VPS4A: variants seen among roughly 807,000 people sequenced by gnomAD.
VPS4A encodes the protein vacuolar protein sorting-associated protein 4A.
Under a neutral mutation model 52.3 loss-of-function variants are expected in VPS4A, and 20 were observed. The observed-to-expected ratio is 0.38, with a 90% confidence interval of 0.27 to 0.56. The LOEUF (loss-of-function observed/expected upper bound fraction) is 0.56, where lower values mean the gene tolerates loss of function less well. VPS4A is among the 20% of genes least tolerant of loss of function. The pLI is 0.72. For missense variants in VPS4A, 419 were observed against 575.9 expected, an observed-to-expected ratio of 0.73 and a Z score of 2.79; for synonymous variants, 293 against 227.7, an observed-to-expected ratio of 1.29 and a Z score of -2.58.
rs1965503156 is a variant in VPS4A, at chr16:69,321,023, A to G, written c.852-28A>G. ...GAATACCATTCCATCATCCGCTGTC[A>G]ACTCCTGCCGTGTGCTGGGCTCTCT... On this transcript the variant is annotated intron_variant, in intron 8 of 10. Coordinates refer to ENST00000254950, the MANE Select transcript of VPS4A (RefSeq NM_013245.3). The surrounding 1 kb of genome is among the most constrained non-coding windows in gnomAD (Gnocchi z 4.5). 1 of 1,551,488 alleles carries G rather than the reference A, an allele frequency of 6.4e-7. No homozygotes were observed. The highest frequency in any genetic ancestry group is 1.4e-5 in the African/African-American group (1 of 73,154).
chr16:69,321,194 C>T lies in VPS4A; in HGVS notation c.995C>T (p.Ala332Val). 2.5e-6 allele frequency: 4 copies of T among 1,571,222 alleles called. No homozygotes were observed. The highest frequency in any genetic ancestry group is 3.5e-6 in the Non-Finnish European group (4 of 1,158,878). The change falls in exon 9 of 11, where the codon GCG becomes GTG. Residue 332 changes from alanine to valine, a missense_variant. By Grantham distance (64) the Ala-to-Val change is moderately conservative. Around this residue, in one of 3 missense-constraint regions of VPS4A, gnomAD observed 185 missense variants for 200.2 expected, o/e 0.92. Transcript: ENST00000254950. This position sits in a 1 kb window ranked among gnomAD's most constrained non-coding sequence, Gnocchi z 4.5. The part of the protein sequence containing the change: ...LARKTEGYSG[A>V]DISIIVRDSL... The stretch of plus-strand genomic sequence containing the variant: ...CGGAAGACGGAAGGCTACTCGGGCG[C>T]GGACATCAGCATCATCGTGCGGGAC...
In VPS4A at chr16:69,322,916, A is replaced by AAATT. The variant is rs545356243; in HGVS notation, c.1212+218_1212+221dup. ...AACCCTGTCTCTACTAAAAATACAAAAATTAGCCGGGTGTGGTGGTGTGCA... is the reference window on the plus strand; with the variant it reads ...AACCCTGTCTCTACTAAAAATACAAAAATTAATTAGCCGGGTGTGGTGGTGTGCA... On this transcript the variant is annotated intron_variant, in intron 10 of 10. Transcript: ENST00000254950. 3.1e-4 allele frequency: 115 copies of AAATT among 371,570 alleles called. 1 individual carries two copies. The highest frequency in any genetic ancestry group is 2.4e-3 in the African/African-American group (112 of 47,582). The allele number at this position is 371,570 out of a possible 1,614,324, so 23.0% of individuals were successfully genotyped here.
In VPS4A at chr16:69,324,351, T is replaced by TG; in HGVS notation, c.*46dup. 6.3e-7 allele frequency: 1 copy of TG among 1,595,618 alleles called. No homozygotes were observed. Among genetic ancestry groups the TG allele is most frequent in the Non-Finnish European group, 8.6e-7 (1 of 1,168,016 alleles). On this transcript the variant is annotated 3_prime_UTR_variant, in exon 11 of 11. Coordinates refer to ENST00000254950, the MANE Select transcript of VPS4A (RefSeq NM_013245.3). Reference sequence around the variant, plus strand: ...GCAATGGTGAAGGTGGGAGGTTGATTGGGGCAAATCCAGGCACTCCCCATG... The same window carrying TG: ...GCAATGGTGAAGGTGGGAGGTTGATTGGGGGCAAATCCAGGCACTCCCCATG...
intron 1 of VPS4A, 35 bp downstream of exon 1, chr16:69,311,567 G>T (rs757173669): frequency 2.3e-6 from 3 of 1,284,808 alleles, no homozygotes; most frequent in Non-Finnish European, 3.0e-6. Flanking sequence ...TTCGGAGGCC[G>T]AAGGCAGCGG....
Position 69,320,443 on chromosome 16 carries a change from A to C in VPS4A, c.769+154A>C. ...AGGGCACGGGTGGACTTCAATTCCCAAGAGGTGCCTGAGGCCTCTGCCTCA... is the reference window on the plus strand; with the variant it reads ...AGGGCACGGGTGGACTTCAATTCCCCAGAGGTGCCTGAGGCCTCTGCCTCA... On this transcript the variant is annotated intron_variant, in intron 7 of 10. Transcript: ENST00000254950. The surrounding 1 kb of genome is among the most constrained non-coding windows in gnomAD (Gnocchi z 4.2). 8.7e-7 allele frequency: 1 copy of C among 1,148,620 alleles called. No homozygotes were observed. Among genetic ancestry groups the C allele is most frequent in the Non-Finnish European group, 1.2e-6 (1 of 824,576 alleles). 71.2% of individuals were successfully genotyped at this position (1,148,620 alleles called of 1,614,324 possible). A position where few individuals can be genotyped will look rare whatever the true frequency, so the allele number is the denominator to read the frequency against.
rs966464353 is a variant in VPS4A, at chr16:69,321,327, T to G, written c.1071+57T>G. 3.9e-5 allele frequency: 56 copies of G among 1,452,120 alleles called. No homozygotes were observed. The Middle Eastern group carries it at 9.1e-4, about 24-fold the overall frequency. 90.0% of individuals were successfully genotyped at this position (1,452,120 alleles called of 1,614,324 possible). ...CTCATAGTAAGAGCGGGATGTTCGG[T>G]TTTTTTTTTCCCAGCTCCTGGTCCT... On this transcript the variant is annotated intron_variant, in intron 9 of 10. Transcript: ENST00000254950. This position sits in a 1 kb window ranked among gnomAD's most constrained non-coding sequence, Gnocchi z 4.5.
In VPS4A at chr16:69,318,751, G is replaced by C. The variant is rs200848259; in HGVS notation, c.343+40G>C. On this transcript the variant is annotated intron_variant, in intron 4 of 10. Coordinates refer to ENST00000254950, the MANE Select transcript of VPS4A (RefSeq NM_013245.3). ...GCCCTGTGGCAGCGGCAGGGGATGAGAGTGGGTCCGCTGCTGGGTTGGCTC... is the reference window on the plus strand; with the variant it reads ...GCCCTGTGGCAGCGGCAGGGGATGACAGTGGGTCCGCTGCTGGGTTGGCTC... The C allele has an allele frequency of 6.8e-6, 11 of 1,613,292 alleles. No individual in the cohort carries two copies. In the Admixed American group the frequency reaches 1.0e-4, roughly 15 times the overall value.
chr16:69,323,943 C>CAAAAAAAAAAAAA lies in VPS4A; in HGVS notation c.1213-265_1213-264insAAAAAAAAAAAAA, dbSNP rs143292768. On this transcript the variant is annotated intron_variant, in intron 10 of 10. Coordinates refer to ENST00000254950, the MANE Select transcript of VPS4A (RefSeq NM_013245.3). ...CCAGCCTGGGTGACAGACTCCGTCTCCAAAAAAAAAAAAAAAAAAAAAGAA... is the reference window on the plus strand; with the variant it reads ...CCAGCCTGGGTGACAGACTCCGTCTCAAAAAAAAAAAAACAAAAAAAAAAAAAAAAAAAAAGAA... Among the ~76,000 whole-genome samples the CAAAAAAAAAAAAA allele has an allele frequency of 1.5e-4, 16 of 108,648 alleles. 1 individual carries two copies. Among genetic ancestry groups the CAAAAAAAAAAAAA allele is most frequent in the Admixed American group, 4.7e-4 (5 of 10,660 alleles). The allele number at this position is 108,648 out of a possible 152,430, so 71.3% of individuals were successfully genotyped here. A position where few individuals can be genotyped will look rare whatever the true frequency, so the allele number is the denominator to read the frequency against.
Position 69,311,386 on chromosome 16 carries a change from T to A in VPS4A, c.-126T>A, listed in dbSNP as rs1217393920. ...CGGCTCCCGCTGCGAGCGGCCGCCC[T>A]GCCCGCGCACCGCGCTCAGCGCCCA... On this transcript the variant is annotated 5_prime_UTR_variant, in exon 1 of 11. Coordinates refer to ENST00000254950, the MANE Select transcript of VPS4A (RefSeq NM_013245.3). 3.7e-6 allele frequency: 4 copies of A among 1,090,818 alleles called. No homozygotes were observed. Among genetic ancestry groups the A allele is most frequent in the Admixed American group, 4.5e-5 (1 of 22,248 alleles). 67.6% of individuals were successfully genotyped at this position (1,090,818 alleles called of 1,614,324 possible).
intron 3 of VPS4A, 40 bp downstream of exon 3, chr16:69,316,412 C>T: frequency 1.9e-6 from 3 of 1,606,128 alleles, no homozygotes; most frequent in Non-Finnish European, 2.6e-6. Flanking sequence ...CTGGGCCCTC[C>T]TCACGGCTCC....
At chr16:69,318,377 C>T (rs1328006368) in intron 3 of VPS4A, among the ~76,000 whole-genome samples, 3 of 152,208 alleles carry the variant, frequency 2.0e-5, no homozygotes, top group Admixed American at 6.5e-5. Context: ...ATTTCCCTTA[C>T]GGCCTTCAGG....
At position 69,324,664 on chromosome 16, in the gene VPS4A, T is replaced by G; in HGVS notation, c.*355T>G. On this transcript the variant is annotated 3_prime_UTR_variant, in exon 11 of 11. Transcript: ENST00000254950. ...AAAATCACCTGGAAGTGTCAAGGAG[T>G]GGGGCGGGGTGGCGGGGGAGAAGCA... 1 of 224,006 alleles carries G rather than the reference T, an allele frequency of 4.5e-6. No individual in the cohort carries two copies. Among genetic ancestry groups the G allele is most frequent in the Non-Finnish European group, 9.2e-6 (1 of 108,384 alleles). 13.9% of individuals were successfully genotyped at this position (224,006 alleles called of 1,614,324 possible).
At chr16:69,313,052 C>T (rs1018348413) in intron 1 of VPS4A, among the ~76,000 whole-genome samples, 1 of 152,038 alleles carries the variant, frequency 6.6e-6, no homozygotes, top group Admixed American at 6.5e-5. Context: ...AATCTCAACT[C>T]ATTGCGGCCT....
chr16:69,317,879 T>C (rs1452703414), intron 3 of VPS4A, among the ~76,000 whole-genome samples: 6 of 148,426 alleles, frequency 4.0e-5, no homozygotes, highest in Non-Finnish European at 7.4e-5. Context: ...GAGAATTACT[T>C]GAACCCGGGA....
Position 69,311,442 on chromosome 16 carries a change from C to T in VPS4A, c.-70C>T. On this transcript the variant is annotated 5_prime_UTR_variant, in exon 1 of 11. Coordinates refer to ENST00000254950, the MANE Select transcript of VPS4A (RefSeq NM_013245.3). ...GGGCTTCCCGCGCCGGACCCAGTAC[C>T]TCGGCTCCCCGGGGCCGGACCGAGG... 3 of 1,237,572 alleles carry T rather than the reference C, an allele frequency of 2.4e-6. No homozygotes were observed. The highest frequency in any genetic ancestry group is 3.1e-6 in the Non-Finnish European group (3 of 981,246). The allele number at this position is 1,237,572 out of a possible 1,614,324, so 76.7% of individuals were successfully genotyped here. A position where few individuals can be genotyped will look rare whatever the true frequency, so the allele number is the denominator to read the frequency against.
At position 69,321,754 on chromosome 16, in the gene VPS4A, AAC is replaced by A. The variant is rs759065354; in HGVS notation, c.1071+488_1071+489del. On this transcript the variant is annotated intron_variant, in intron 9 of 10. Coordinates refer to ENST00000254950, the MANE Select transcript of VPS4A (RefSeq NM_013245.3). This position sits in a 1 kb window ranked among gnomAD's most constrained non-coding sequence, Gnocchi z 4.5. ...TTCCGTTGTTGGTGGGGAGACAGTC[AAC>A]ACAGTCAGTGAGTGTCTCAGAGGAT... The A allele has an allele frequency of 1.1e-5, 2 of 187,154 alleles. No individual in the cohort carries two copies. The highest frequency in any genetic ancestry group is 5.4e-5 in the Admixed American group (1 of 18,580). 11.6% of individuals were successfully genotyped at this position (187,154 alleles called of 1,614,324 possible).
intron 1 of VPS4A, among the ~76,000 whole-genome samples, chr16:69,312,925 A>T (rs1055498222): frequency 1.3e-5 from 2 of 151,448 alleles, no homozygotes; most frequent in Admixed American, 1.3e-4. Flanking sequence ...ACACAGCTTT[A>T]TTAAGGTATA....
Position 69,324,041 on chromosome 16 carries a change from G to A in VPS4A, c.1213-167G>A, listed in dbSNP as rs1306244822. 2.0e-5 allele frequency among the ~76,000 whole-genome samples: 3 copies of A among 152,076 alleles called. No individual in the cohort carries two copies. The East Asian group carries it at 5.8e-4, about 29-fold the overall frequency. On this transcript the variant is annotated intron_variant, in intron 10 of 10. Coordinates refer to ENST00000254950, the MANE Select transcript of VPS4A (RefSeq NM_013245.3). ...GACCAGGAGGAGGCCCATCTGAGCT[G>A]CCTCGAGAGGGAAGAGGGTCCCTGC...
chr16:69,322,698 A>G lies in VPS4A; in HGVS notation c.1210A>G (p.Met404Val), dbSNP rs1195674825. The change falls in exon 10 of 11, where the codon ATG (methionine) becomes GTG (valine). Residue 404 changes from methionine (M) to valine (V), a missense_variant and splice_region_variant. Met to Val is a conservative substitution (Grantham distance 21, BLOSUM62 1). Transcript: ENST00000254950. ...GDKLLEPVVC[M>V]SDMLRSLATT... ...CAAACTCTTAGAGCCTGTGGTTTGC[A>G]TGGTAAGTGACTTGACAGGGGAGGG... 6.2e-7 allele frequency: 1 copy of G among 1,612,802 alleles called. No homozygotes were observed.
Sources: allele counts gnomAD v4.1 joint callset (sites outside exome capture counted in the v4.1 genomes callset), GRCh38; gene constraint gnomAD v4.1.1; regional missense constraint gnomAD v4.1.1; non-coding constraint Gnocchi (gnomAD v3.1); transcripts MANE v1.5; gene names NCBI Gene and HGNC (gene_info 2026-07-23, HGNC 2026-07-21).